HEMK2: variants seen among roughly 807,000 people sequenced by gnomAD.
The protein encoded by HEMK2 is methyltransferase HEMK2.
chr21:28,862,647 A>G, the HEMK2 span, among the ~76,000 whole-genome samples: 9 of 118,274 alleles, frequency 7.6e-5, 1 homozygote, highest in Non-Finnish European at 3.5e-5. Flanking sequence ...CTCCGTCTCA[A>G]AAAAAAAAAA....
chr21:28,803,182 G>GA, the HEMK2 span, among the ~76,000 whole-genome samples: 1 of 152,130 alleles, frequency 6.6e-6, no homozygotes, highest in East Asian at 1.9e-4. Flanking sequence ...AGAAGTCTTG[G>GA]AAAAAATCAT....
At chr21:28,754,894 G>A in the HEMK2 span, among the ~76,000 whole-genome samples, 1 of 152,220 alleles carries the variant, frequency 6.6e-6, no homozygotes, top group African/African-American at 2.4e-5. Flanking sequence ...GGCAAACTGT[G>A]ATCCAGGCTT....
the HEMK2 span, among the ~76,000 whole-genome samples, chr21:28,671,657 T>C: frequency 6.6e-6 from 1 of 152,124 alleles, no homozygotes; most frequent in East Asian, 1.9e-4. Context: ...AGACTCAGAG[T>C]GCTTGATGCT....
At chr21:28,655,080 T>C in the HEMK2 span, among the ~76,000 whole-genome samples, 1 of 152,016 alleles carries the variant, frequency 6.6e-6, no homozygotes, top group Non-Finnish European at 1.5e-5. Context: ...AATAGATGGG[T>C]ATTATAGAAA....
the HEMK2 span, among the ~76,000 whole-genome samples, chr21:28,701,591 CACACAG>C: frequency 6.8e-6 from 1 of 146,188 alleles, no homozygotes; most frequent in African/African-American, 2.6e-5. Context: ...CACACACACA[CACACAG>C]ACAAAACCTA....
the HEMK2 span, among the ~76,000 whole-genome samples, chr21:28,859,942 G>A: frequency 1.3e-5 from 2 of 152,180 alleles, no homozygotes; most frequent in Admixed American, 1.3e-4. Flanking sequence ...AAGATATACT[G>A]AGTGTGATGG....
chr21:28,790,482 T>A, the HEMK2 span, among the ~76,000 whole-genome samples: 1 of 152,142 alleles, frequency 6.6e-6, no homozygotes, highest in African/African-American at 2.4e-5. Context: ...TGGACATTGT[T>A]TGACTGTTTT....
chr21:28,775,572 T>C, the HEMK2 span, among the ~76,000 whole-genome samples: 2 of 152,162 alleles, frequency 1.3e-5, no homozygotes, highest in Non-Finnish European at 2.9e-5. Flanking sequence ...GGGAGAACTA[T>C]CCAAGTGTCA....
the HEMK2 span, among the ~76,000 whole-genome samples, chr21:28,576,443 A>G: frequency 2.8e-5 from 4 of 143,766 alleles, no homozygotes; most frequent in Admixed American, 2.8e-4. Flanking sequence ...GTCTTTTATT[A>G]TTGAGATTTG....
At chr21:28,614,779 A>G in the HEMK2 span, among the ~76,000 whole-genome samples, 1 of 152,246 alleles carries the variant, frequency 6.6e-6, no homozygotes, top group African/African-American at 2.4e-5. Context: ...TCCACATGGC[A>G]TATGGCACAG....
the HEMK2 span, among the ~76,000 whole-genome samples, chr21:28,613,004 A>G: frequency 6.6e-6 from 1 of 152,158 alleles, no homozygotes; most frequent in East Asian, 1.9e-4. Context: ...AAATGACCAT[A>G]CTGCCAAAAG....
the HEMK2 span, among the ~76,000 whole-genome samples, chr21:28,620,351 C>T: frequency 3.3e-4 from 50 of 152,058 alleles, no homozygotes; most frequent in Non-Finnish European, 6.2e-4. Flanking sequence ...GGTACTAGCT[C>T]CTCTTTGGAC....
the HEMK2 span, among the ~76,000 whole-genome samples, chr21:28,756,891 C>G: frequency 2.0e-5 from 3 of 152,190 alleles, no homozygotes; most frequent in African/African-American, 7.2e-5. Context: ...AGAAGGGTGT[C>G]TAAGATTGAT....
At chr21:28,666,831 T>C in the HEMK2 span, among the ~76,000 whole-genome samples, 1 of 152,186 alleles carries the variant, frequency 6.6e-6, no homozygotes, top group African/African-American at 2.4e-5. Context: ...ATCTGGTCAC[T>C]TGGACTTACT....
At chr21:28,640,918 T>A in the HEMK2 span, among the ~76,000 whole-genome samples, 1 of 152,206 alleles carries the variant, frequency 6.6e-6, no homozygotes, top group East Asian at 1.9e-4. Context: ...GTATGTATGA[T>A]GTTAGGTGAA....
the HEMK2 span, among the ~76,000 whole-genome samples, chr21:28,610,023 G>A: frequency 1.3e-5 from 2 of 152,178 alleles, no homozygotes; most frequent in African/African-American, 4.8e-5. Flanking sequence ...CCTTACTGGC[G>A]ATCTAGACAT....
chr21:28,851,506 C>T, the HEMK2 span, among the ~76,000 whole-genome samples: 1,282 of 152,206 alleles, frequency 8.4e-3, 17 homozygotes, highest in African/African-American at 0.029. Context: ...TCTTGGTTGT[C>T]GGAGGGGCCA....
the HEMK2 span, among the ~76,000 whole-genome samples, chr21:28,750,515 A>G: frequency 1.3e-5 from 2 of 152,050 alleles, no homozygotes; most frequent in Admixed American, 6.6e-5. Context: ...CCTGGCCAAC[A>G]TGGTGAAGCT....
chr21:28,783,027 T>C, the HEMK2 span, among the ~76,000 whole-genome samples: 7 of 152,200 alleles, frequency 4.6e-5, no homozygotes, highest in Non-Finnish European at 1.5e-5. Flanking sequence ...AGGTTGAGTA[T>C]CCCTTATCCA....
Sources: allele counts gnomAD v4.1 joint callset (sites outside exome capture counted in the v4.1 genomes callset), GRCh38; gene constraint gnomAD v4.1.1; transcripts MANE v1.5; gene names NCBI Gene and HGNC (gene_info 2026-07-23, HGNC 2026-07-21).